POLA1: variants seen among roughly 807,000 people sequenced by gnomAD.
POLA1 encodes DNA polymerase alpha catalytic subunit.
In POLA1, 15 loss-of-function variants were observed where a neutral mutation model predicts 124.0. The ratio of observed to expected loss-of-function variants is 0.12; its 90% CI spans 0.08 to 0.19. The LOEUF (loss-of-function observed/expected upper bound fraction) is 0.19. Ranked by LOEUF, POLA1 falls within the 10% of genes least tolerant of loss-of-function variation. The pLI is 1.00. For synonymous variants in POLA1, 408 were observed against 389.4 expected, an observed-to-expected ratio of 1.05 and a Z score of -0.56; for missense variants, 886 against 1,103.4, an observed-to-expected ratio of 0.80 and a Z score of 2.79.
chrX:24,768,567 G>T (rs1932965363), intron 26 of POLA1, among the ~76,000 whole-genome samples: 1 of 112,155 alleles, frequency 8.9e-6, no homozygotes, highest in Admixed American at 9.4e-5. Context: ...TTTGCTTGAT[G>T]AGCAGAAGCT....
chrX:24,935,867 T>A (rs1379888101), intron 36 of POLA1, among the ~76,000 whole-genome samples: 1 of 112,906 alleles, frequency 8.9e-6, no homozygotes, highest in African/African-American at 3.2e-5. Flanking sequence ...ATTATATTGA[T>A]GAAGAAATTA....
chrX:24,925,872 C>G (rs2047683227), intron 35 of POLA1, among the ~76,000 whole-genome samples: 1 of 110,876 alleles, frequency 9.0e-6, no homozygotes, highest in Admixed American at 9.7e-5. Context: ...TCTGCTGCCT[C>G]CGGAGTAGCT....
chrX:24,820,529 C>G (rs1456428614), intron 30 of POLA1, among the ~76,000 whole-genome samples: 1 of 111,204 alleles, frequency 9.0e-6, no homozygotes, highest in Non-Finnish European at 1.9e-5. Flanking sequence ...TTGTTTGTTT[C>G]TCTGCCTGGA....
chrX:24,958,822 T>A (rs1340270310), intron 36 of POLA1, among the ~76,000 whole-genome samples: 3 of 111,184 alleles, frequency 2.7e-5, no homozygotes, highest in Admixed American at 9.6e-5. Flanking sequence ...GTTTATCGAG[T>A]TTCCCCTCTG....
At chrX:24,846,250 C>T (rs1012706908) in intron 34 of POLA1, among the ~76,000 whole-genome samples, 1 of 111,380 alleles carries the variant, frequency 9.0e-6, no homozygotes, top group Non-Finnish European at 1.9e-5. Flanking sequence ...TTTTGCTCCT[C>T]ATCTGTAGCA....
rs1324535267 is a variant in POLA1 at position 24,791,493 on chromosome X, C to T, written c.2965-18405C>T. On this transcript the variant is annotated intron_variant, in intron 26 of 36. Coordinates refer to ENST00000379068, the MANE Select transcript of POLA1 (RefSeq NM_001330360.2). ...CCTCCACCTCCCGGTTCAAGCGATT[C>T]TCCTGCCTCAGCCTCCCGAGTAGCT... is the stretch of plus-strand genomic sequence containing the variant. Among the ~76,000 whole-genome samples, 12 of 112,579 alleles carry T rather than the reference C, an allele frequency of 1.1e-4. 1 individual carries two copies. Among genetic ancestry groups the T allele is most frequent in the South Asian group, 3.6e-4 (1 of 2,741 alleles).
intron 34 of POLA1, among the ~76,000 whole-genome samples, chrX:24,875,670 A>C (rs1169590511): frequency 9.0e-6 from 1 of 111,631 alleles, no homozygotes; most frequent in Non-Finnish European, 1.9e-5. Flanking sequence ...ATAAGAATGG[A>C]CCCATTATAG....
chrX:24,928,032 GT>G (rs1290025154), intron 35 of POLA1, among the ~76,000 whole-genome samples: 4 of 112,202 alleles, frequency 3.6e-5, no homozygotes, highest in Non-Finnish European at 5.6e-5. Context: ...TTTCATGTGT[GT>G]TTTTTAAAAC....
chrX:24,868,926 G>T (rs755441230), intron 34 of POLA1, among the ~76,000 whole-genome samples: 11 of 111,658 alleles, frequency 9.9e-5, no homozygotes, highest in Non-Finnish European at 1.9e-4. Context: ...ATGAGTGCTT[G>T]TATGTGGGAA....
chrX:24,855,370 C>T (rs772185664), intron 34 of POLA1, among the ~76,000 whole-genome samples: 16 of 111,401 alleles, frequency 1.4e-4, no homozygotes, highest in East Asian at 2.8e-4. Flanking sequence ...TATCTACTAC[C>T]ACAGTCAAGA....
At chrX:24,700,712 T>C (rs1753841713) in intron 2 of POLA1, among the ~76,000 whole-genome samples, 1 of 111,771 alleles carries the variant, frequency 8.9e-6, no homozygotes, top group Non-Finnish European at 1.9e-5. Flanking sequence ...TTTCACCATG[T>C]TGGTCAGGCT....
intron 26 of POLA1, among the ~76,000 whole-genome samples, chrX:24,799,819 G>A (rs755137309): frequency 1.8e-5 from 2 of 111,758 alleles, no homozygotes; most frequent in South Asian, 3.8e-4. Context: ...TAACCTAATG[G>A]GTGGGTTTAT....
intron 11 of POLA1, 53 bp from the exon 12 acceptor site, chrX:24,724,282 A>G (rs1930394223): frequency 1.7e-6 from 1 of 597,014 alleles, no homozygotes; most frequent in African/African-American, 2.3e-5. Context: ...TGAGAAGATC[A>G]TTTATGTACA....
intron 36 of POLA1, among the ~76,000 whole-genome samples, chrX:24,946,374 G>C (rs370330697): frequency 1.8e-5 from 2 of 110,589 alleles, no homozygotes; most frequent in Non-Finnish European, 3.8e-5. Context: ...CTCATCTCTT[G>C]GGGTGCTCAT....
chrX:24,945,809 C>G (rs2047954726), intron 36 of POLA1, among the ~76,000 whole-genome samples: 1 of 110,136 alleles, frequency 9.1e-6, no homozygotes, highest in Admixed American at 9.8e-5. Context: ...ATCTAGATAA[C>G]AATTTAAACA....
chrX:24,741,152 C>CGCGT (rs1555980144), intron 20 of POLA1, among the ~76,000 whole-genome samples: 19 of 66,205 alleles, frequency 2.9e-4, no homozygotes, highest in African/African-American at 7.7e-4. Context: ...TGTGTGCGCG[C>CGCGT]GTGTGTGTGT....
rs778804637 is a variant in POLA1 at position 24,819,518 on chromosome X, C to CA, written c.3430-1931dup. On this transcript the variant is annotated intron_variant, in intron 30 of 36. Coordinates refer to ENST00000379068, the MANE Select transcript of POLA1 (RefSeq NM_001330360.2). Reference sequence around the variant, plus strand: ...AAGGCAGCTAGTTTAGCTTGCAACTCAAACAGTTGCACAAATGCTTTCCCT... The same window carrying CA: ...AAGGCAGCTAGTTTAGCTTGCAACTCAAAACAGTTGCACAAATGCTTTCCCT... 5.4e-5 allele frequency among the ~76,000 whole-genome samples: 6 copies of CA among 111,831 alleles called. No individual in the cohort carries two copies. In the South Asian group the frequency reaches 2.3e-3, roughly 42 times the overall value.
At chrX:24,817,570 C>T (rs965800807) in intron 30 of POLA1, among the ~76,000 whole-genome samples, 17 of 99,136 alleles carry the variant, frequency 1.7e-4, no homozygotes, top group African/African-American at 6.1e-4. Flanking sequence ...ATGGCGCCAC[C>T]GCACTCCAGC....
intron 29 of POLA1, 108 bp from the exon 30 acceptor site, chrX:24,814,871 A>G (rs1601759590): frequency 1.4e-6 from 1 of 729,049 alleles, no homozygotes; most frequent in East Asian, 3.6e-5. Flanking sequence ...GCTAATGTTA[A>G]CCACATGTTA....
Sources: gnomAD v4.1 joint callset for allele counts (sites outside exome capture counted in the v4.1 genomes callset) on GRCh38, gnomAD v4.1.1 for gene constraint, MANE v1.5 for transcripts, NCBI Gene and HGNC (gene_info 2026-07-23, HGNC 2026-07-21) for gene names.